CHERP: variants seen among roughly 807,000 people sequenced by gnomAD.
CHERP encodes the protein ERPROT 213-21.
In CHERP, 8 loss-of-function variants were observed where a neutral mutation model predicts 113.8. The ratio of observed to expected loss-of-function variants is 0.07; its 90% CI spans 0.04 to 0.13. The LOEUF is 0.13. Among genes scored for constraint, CHERP ranks in the 10% least tolerant of loss-of-function variants. CHERP has a pLI of 1.00. For synonymous variants in CHERP, 559 were observed against 524.5 expected (o/e 1.07, Z -0.90); for missense variants, 884 against 1,298.2 (o/e 0.68, Z 4.90).
Position 16,521,515 on chromosome 19 carries a change from C to T in CHERP, c.2114+6G>A. The T allele has an allele frequency of 6.3e-7, 1 of 1,585,536 alleles. No individual in the cohort carries two copies. Among genetic ancestry groups the T allele is most frequent in the Non-Finnish European group, 8.6e-7 (1 of 1,167,844 alleles). Reference sequence around the variant, plus strand: ...CCCGCCCACCCCACTGACCTGGGCCCCTTACCTGTTCCTGGGCCTGTCGTG... The same window carrying T: ...CCCGCCCACCCCACTGACCTGGGCCTCTTACCTGTTCCTGGGCCTGTCGTG... On this transcript the variant is annotated splice_donor_region_variant and intron_variant, in intron 12 of 16. Coordinates refer to ENST00000546361, the MANE Select transcript of CHERP (RefSeq NM_006387.6).
rs1253427996 is a variant in CHERP, at chr19:16,532,055, CA to C, written c.674+542del. 1 of 151,540 alleles carries C rather than the reference CA, an allele frequency of 6.6e-6. No individual in the cohort carries two copies. The highest frequency in any genetic ancestry group is 2.4e-5 in the African/African-American group (1 of 40,958). The allele number at this position is 151,540 out of a possible 1,614,324, so 9.4% of individuals were successfully genotyped here. On this transcript the variant is annotated intron_variant, in intron 5 of 16. Coordinates refer to ENST00000546361, the MANE Select transcript of CHERP (RefSeq NM_006387.6). The surrounding 1 kb of genome is among the most constrained non-coding windows in gnomAD (Gnocchi z 4.4). ...CACCCAACCTTGGGGAGGGTGGAGA[CA>C]GCAACAGTGGGAAGGGTGAGGGCTG...
rs533673846 is a variant in CHERP, at chr19:16,542,256, C to T, written c.25+98G>A. 1.2e-5 allele frequency: 15 copies of T among 1,204,004 alleles called. No individual in the cohort carries two copies. The African/African-American group carries it at 2.1e-4, about 17-fold the overall frequency. 74.6% of individuals were successfully genotyped at this position (1,204,004 alleles called of 1,614,324 possible). A position where few individuals can be genotyped will look rare whatever the true frequency, so the allele number is the denominator to read the frequency against. On this transcript the variant is annotated intron_variant, in intron 1 of 16. Transcript: ENST00000546361. ...CGCAGGCGAAGCCGCGAGGCCGAGC[C>T]CCGCCCCCTCCCAGACCCGGGGACT...
At chr19:16,542,231 C>G (rs2085785427) in intron 1 of CHERP, 123 bp downstream of exon 1, 4 of 1,106,744 alleles carry the variant, frequency 3.6e-6, no homozygotes, top group Middle Eastern at 2.7e-4. Flanking sequence ...CGGGAGAGGC[C>G]GCAGGCGAAG....
intron 2 of CHERP, among the ~76,000 whole-genome samples, chr19:16,539,007 C>A (rs2085759184): frequency 6.6e-6 from 1 of 152,166 alleles, no homozygotes; most frequent in East Asian, 1.9e-4. Flanking sequence ...ACCTAAACAA[C>A]TGCCCTGTTT....
intron 2 of CHERP, among the ~76,000 whole-genome samples, chr19:16,539,349 G>A (rs910540871): frequency 4.0e-5 from 6 of 151,716 alleles, no homozygotes; most frequent in East Asian, 3.9e-4. Flanking sequence ...GGGTTTCACC[G>A]TGTTAGCCAG....
chr19:16,534,085 G>A (rs897707526), intron 3 of CHERP, among the ~76,000 whole-genome samples: 2 of 145,090 alleles, frequency 1.4e-5, no homozygotes, highest in Non-Finnish European at 3.0e-5. Context: ...ATGGAATCTC[G>A]CTCTGTCGCC....
intron 11 of CHERP, among the ~76,000 whole-genome samples, chr19:16,522,182 G>A (rs2085622046): frequency 6.6e-6 from 1 of 152,080 alleles, no homozygotes; most frequent in Admixed American, 6.5e-5. Context: ...GACTTCAGGT[G>A]GATGTGTCTG....
rs777402203 is a variant in CHERP at position 16,542,384 on chromosome 19, C to T, written c.-6G>A. 4 of 1,362,274 alleles carry T rather than the reference C, an allele frequency of 2.9e-6. No individual in the cohort carries two copies. Among genetic ancestry groups the T allele is most frequent in the South Asian group, 2.1e-5 (1 of 47,908 alleles). The allele number at this position is 1,362,274 out of a possible 1,614,324, so 84.4% of individuals were successfully genotyped here. The stretch of plus-strand genomic sequence containing the variant: ...GGGGGCAGCGGCATCTCCATGGCTC[C>T]GGCCGCGGGGAACGTCCTCCGGCGC... On this transcript the variant is annotated 5_prime_UTR_variant, in exon 1 of 17. Coordinates refer to ENST00000546361, the MANE Select transcript of CHERP (RefSeq NM_006387.6).
At position 16,528,148 on chromosome 19, in the gene CHERP, G is replaced by C; in HGVS notation, c.1237C>G (p.Gln413Glu). The C allele has an allele frequency of 6.2e-7, 1 of 1,613,744 alleles. No individual in the cohort carries two copies. Among genetic ancestry groups the C allele is most frequent in the Non-Finnish European group, 8.5e-7 (1 of 1,179,922 alleles). The change falls in exon 9 of 17, where the codon CAG (glutamine) becomes GAG (glutamate). Residue 413 changes from glutamine to glutamate, a missense_variant. Physicochemically the swap from Gln to Glu is conservative, Grantham distance 29. Around this residue, in one of 8 missense-constraint regions of CHERP, gnomAD observed 464 missense variants for 590.1 expected, o/e 0.79. Coordinates refer to ENST00000546361, the MANE Select transcript of CHERP (RefSeq NM_006387.6). ...AGPRGPGPHD[Q>E]IPPNKPPWFD... ...CAAGGGGGCTTGTTTGGTGGGATCTGGTCGTGTGGCCCGGGGCCCCGGGGG... is the reference window on the plus strand; with the variant it reads ...CAAGGGGGCTTGTTTGGTGGGATCTCGTCGTGTGGCCCGGGGCCCCGGGGG...
chr19:16,519,709 A>C lies in CHERP; in HGVS notation c.2469T>G (p.Ser823=), dbSNP rs1254004492. Residue 823 remains serine (S), a synonymous_variant, in exon 16 of 17, where the codon TCT becomes TCG. Coordinates refer to ENST00000546361, the MANE Select transcript of CHERP (RefSeq NM_006387.6). This position sits in a 1 kb window ranked among gnomAD's most constrained non-coding sequence, Gnocchi z 6.0. ...GCGCCGAATTAGAACCCAGACCAGC[A>C]GAGGAACTAAAATCGAGACAGGTTA... The part of the protein sequence containing the change: ...SRSRSPTPPS[S]AGLGSNSAPP... The C allele has an allele frequency of 6.2e-7, 1 of 1,613,362 alleles. No homozygotes were observed. Among genetic ancestry groups the C allele is most frequent in the Admixed American group, 1.7e-5 (1 of 60,012 alleles).
At chr19:16,531,481 G>A (rs2085704093) in intron 5 of CHERP, among the ~76,000 whole-genome samples, 1 of 152,202 alleles carries the variant, frequency 6.6e-6, no homozygotes, top group South Asian at 2.1e-4. Flanking sequence ...CCCTGCCGCT[G>A]CGCAGGGAGA....
intron 11 of CHERP, among the ~76,000 whole-genome samples, chr19:16,522,519 A>G (rs918592818): frequency 7.2e-5 from 11 of 152,114 alleles, no homozygotes; most frequent in African/African-American, 2.7e-4. Context: ...TCGGCCTCCC[A>G]AAGTGCTGGG....
intron 8 of CHERP, among the ~76,000 whole-genome samples, chr19:16,528,632 A>T (rs1953575241): frequency 2.0e-5 from 3 of 152,118 alleles, no homozygotes; most frequent in South Asian, 2.1e-4. Context: ...CCTACAACAA[A>T]TCTTCTTTGA....
At position 16,517,993 on chromosome 19, in the gene CHERP, A is replaced by C. The variant is rs1378156543; in HGVS notation, c.*1166T>G. 6.6e-6 allele frequency: 1 copy of C among 152,242 alleles called. No individual in the cohort carries two copies. Among genetic ancestry groups the C allele is most frequent in the African/African-American group, 2.4e-5 (1 of 41,458 alleles). 9.4% of individuals were successfully genotyped at this position (152,242 alleles called of 1,614,324 possible). On this transcript the variant is annotated 3_prime_UTR_variant, in exon 17 of 17. Transcript: ENST00000546361. ...TTTATCCTGAATCATACATTTTAACAATTCACAGCTACAGGAAATCTAGAA... is the reference window on the plus strand; with the variant it reads ...TTTATCCTGAATCATACATTTTAACCATTCACAGCTACAGGAAATCTAGAA...
Position 16,530,849 on chromosome 19 carries a change from C to T in CHERP, c.706G>A (p.Ala236Thr). ...QRKQARELLA[A>T]LQKVVVPIYC... ...ATGGGCACCACGACCTTCTGCAGGGCGGCCAGCAGCTCCCGGGCCTGCTTG... is the reference window on the plus strand; with the variant it reads ...ATGGGCACCACGACCTTCTGCAGGGTGGCCAGCAGCTCCCGGGCCTGCTTG... The change falls in exon 6 of 17, where the codon GCC (alanine) becomes ACC (threonine). Residue 236 changes from alanine to threonine, a missense_variant. By Grantham distance (58) the Ala-to-Thr change is moderately conservative. This residue lies in a region of CHERP where 73 missense variants were observed against 182.4 expected (regional missense o/e 0.40). Coordinates refer to ENST00000546361, the MANE Select transcript of CHERP (RefSeq NM_006387.6). This position sits in a 1 kb window ranked among gnomAD's most constrained non-coding sequence, Gnocchi z 4.1. 1.9e-6 allele frequency: 3 copies of T among 1,613,692 alleles called. No individual in the cohort carries two copies. Among genetic ancestry groups the T allele is most frequent in the Non-Finnish European group, 2.5e-6 (3 of 1,179,958 alleles).
intron 3 of CHERP, among the ~76,000 whole-genome samples, chr19:16,534,051 TCTTTTC>T (rs1280118762): frequency 7.2e-6 from 1 of 138,046 alleles, no homozygotes; most frequent in African/African-American, 3.0e-5. Context: ...AACTTTCTTT[TCTTTTC>T]TTTTTTTTTT....
intron 11 of CHERP, among the ~76,000 whole-genome samples, chr19:16,522,263 C>T (rs1226140559): frequency 6.6e-6 from 1 of 151,582 alleles, no homozygotes; most frequent in South Asian, 2.2e-4. Context: ...CTCCCCAACC[C>T]CCCCTTTTTT....
chr19:16,533,819 AG>A (rs1216016717), intron 3 of CHERP, among the ~76,000 whole-genome samples: 1 of 152,168 alleles, frequency 6.6e-6, no homozygotes, highest in Non-Finnish European at 1.5e-5. Flanking sequence ...AGAAAAAAAA[AG>A]ACAAATGAGG....
chr19:16,521,286 G>A (rs1034689966), intron 12 of CHERP: 6 of 569,454 alleles, frequency 1.1e-5, no homozygotes, highest in East Asian at 8.7e-5. Flanking sequence ...TGCTTGAGAC[G>A]TGCCGCCGTG....
Sources: gnomAD v4.1 joint callset for allele counts (sites outside exome capture counted in the v4.1 genomes callset) on GRCh38, gnomAD v4.1.1 for gene constraint, gnomAD v4.1.1 regional missense constraint, Gnocchi (gnomAD v3.1) non-coding constraint, MANE v1.5 for transcripts, NCBI Gene and HGNC (gene_info 2026-07-23, HGNC 2026-07-21) for gene names.